RHEB: variants seen among roughly 807,000 people sequenced by gnomAD.
RHEB encodes the protein Ras homolog, mTORC1 binding.
RHEB carries 2 observed loss-of-function variants against 28.8 expected under a neutral mutation model. The ratio of observed to expected loss-of-function variants is 0.07; its 90% CI spans 0.03 to 0.22. RHEB has a LOEUF of 0.22. RHEB is among the 10% of genes least tolerant of loss of function. The pLI, the probability that RHEB is intolerant of heterozygous loss-of-function variation, is 1.00. For synonymous variants in RHEB, 69 were observed against 77.3 expected, an observed-to-expected ratio of 0.89 and a Z score of 0.56; for missense variants, 76 against 219.9, an observed-to-expected ratio of 0.35 and a Z score of 4.14.
chr7:151,482,723 C>T (rs138032548), intron 3 of RHEB, among the ~76,000 whole-genome samples: 7 of 152,202 alleles, frequency 4.6e-5, no homozygotes, highest in African/African-American at 1.7e-4. Context: ...CACTGTTGTC[C>T]CAACATAATT....
rs751839991 is a variant in RHEB, at chr7:151,468,370, C to G, written c.463-1159G>C. Reference sequence around the variant, plus strand: ...CCACCATGGCGCCACTGTACTTCAACTCCCTTCCCTACCAACTGTCGCTGG... The same window carrying G: ...CCACCATGGCGCCACTGTACTTCAAGTCCCTTCCCTACCAACTGTCGCTGG... On this transcript the variant is annotated intron_variant, in intron 7 of 7. Coordinates refer to ENST00000262187, the MANE Select transcript of RHEB (RefSeq NM_005614.4). This position sits in a 1 kb window ranked among gnomAD's most constrained non-coding sequence, Gnocchi z 4.3. 2.1e-4 allele frequency among the ~76,000 whole-genome samples: 32 copies of G among 152,250 alleles called. No homozygotes were observed. The highest frequency in any genetic ancestry group is 7.2e-4 in the African/African-American group (30 of 41,470).
intron 1 of RHEB, among the ~76,000 whole-genome samples, chr7:151,515,629 T>C (rs962904027): frequency 6.6e-5 from 10 of 152,212 alleles, no homozygotes; most frequent in Admixed American, 3.3e-4. Context: ...GTAGATGTCA[T>C]ACATAGCAAA....
At chr7:151,497,413 T>C (rs1802692915) in intron 1 of RHEB, among the ~76,000 whole-genome samples, 1 of 152,216 alleles carries the variant, frequency 6.6e-6, no homozygotes, top group African/African-American at 2.4e-5. Context: ...CACAGTTCAA[T>C]GTTTAGGAAC....
chr7:151,493,205 G>C (rs752385943), intron 1 of RHEB, among the ~76,000 whole-genome samples: 1 of 151,922 alleles, frequency 6.6e-6, no homozygotes, highest in Non-Finnish European at 1.5e-5. Flanking sequence ...TTACCACTCT[G>C]ACCTCATCCG....
intron 1 of RHEB, among the ~76,000 whole-genome samples, chr7:151,505,343 T>C (rs555534449): frequency 8.2e-4 from 125 of 152,330 alleles, no homozygotes; most frequent in African/African-American, 3.0e-3. Flanking sequence ...TCTGATAATC[T>C]AGGCAAAAGA....
At chr7:151,518,660 G>C (rs886469887) in intron 1 of RHEB, among the ~76,000 whole-genome samples, 1 of 152,144 alleles carries the variant, frequency 6.6e-6, no homozygotes, top group African/African-American at 2.4e-5. Context: ...TAAGGCGACT[G>C]CTAGGAACTG....
At chr7:151,476,228 A>G (rs772588418) in intron 4 of RHEB, among the ~76,000 whole-genome samples, 1 of 152,228 alleles carries the variant, frequency 6.6e-6, no homozygotes, top group Non-Finnish European at 1.5e-5. Context: ...ACAGAGCAGC[A>G]GACTGAATTT....
chr7:151,479,490 G>A (rs182240420), intron 3 of RHEB, among the ~76,000 whole-genome samples: 5 of 152,184 alleles, frequency 3.3e-5, no homozygotes, highest in Admixed American at 1.3e-4. Flanking sequence ...ATATCATCCT[G>A]GCTAACACAG....
intron 1 of RHEB, among the ~76,000 whole-genome samples, chr7:151,508,337 C>G (rs996971399): frequency 5.9e-5 from 9 of 152,130 alleles, no homozygotes; most frequent in African/African-American, 2.2e-4. Flanking sequence ...TTCAAAAGTT[C>G]TTAAAATCTG....
rs1014806289 is a variant in RHEB, at chr7:151,472,332, G to T, written c.276-727C>A. 6.6e-6 allele frequency among the ~76,000 whole-genome samples: 1 copy of T among 152,154 alleles called. No individual in the cohort carries two copies. Among genetic ancestry groups the T allele is most frequent in the Non-Finnish European group, 1.5e-5 (1 of 68,030 alleles). On this transcript the variant is annotated intron_variant, in intron 4 of 7. Transcript: ENST00000262187. This position sits in a 1 kb window ranked among gnomAD's most constrained non-coding sequence, Gnocchi z 5.2. ...CAAGTCTGCCTGCATCAGTTCCACAGCCCCAACCCTTCCCCGCCACCCCTG... is the reference window on the plus strand; with the variant it reads ...CAAGTCTGCCTGCATCAGTTCCACATCCCCAACCCTTCCCCGCCACCCCTG...
chr7:151,488,364 T>C (rs1802521362), intron 2 of RHEB, among the ~76,000 whole-genome samples: 1 of 152,198 alleles, frequency 6.6e-6, no homozygotes, highest in Non-Finnish European at 1.5e-5. Flanking sequence ...CCACTGAGTG[T>C]TTGCTATAAC....
chr7:151,482,962 C>T (rs1340893714), intron 3 of RHEB, among the ~76,000 whole-genome samples: 1 of 152,198 alleles, frequency 6.6e-6, no homozygotes, highest in Non-Finnish European at 1.5e-5. Context: ...GCCCCAACTC[C>T]TATTCTTCTG....
At chr7:151,470,465 T>G in intron 7 of RHEB, 106 bp downstream of exon 7, 2 of 663,000 alleles carry the variant, frequency 3.0e-6, no homozygotes, top group Non-Finnish European at 5.3e-6. Flanking sequence ...GAAGGCCAGA[T>G]GTTACACAGG....
chr7:151,475,974 C>T (rs1802264652), intron 4 of RHEB, among the ~76,000 whole-genome samples: 1 of 152,092 alleles, frequency 6.6e-6, no homozygotes, highest in South Asian at 2.1e-4. Flanking sequence ...AGTATCTATG[C>T]TTAGGTAATT....
At chr7:151,498,482 C>T (rs1376757497) in intron 1 of RHEB, among the ~76,000 whole-genome samples, 2 of 152,050 alleles carry the variant, frequency 1.3e-5, no homozygotes, top group Non-Finnish European at 2.9e-5. Flanking sequence ...AAAAAATTAG[C>T]AGGGTGTGGT....
chr7:151,516,383 G>C (rs1416643427), intron 1 of RHEB, among the ~76,000 whole-genome samples: 1 of 152,106 alleles, frequency 6.6e-6, no homozygotes, highest in African/African-American at 2.4e-5. Flanking sequence ...CCAGCACTTA[G>C]GGAGGCCGAG....
At chr7:151,467,275 G>A (rs188394856) in intron 7 of RHEB, 64 bp from the exon 8 acceptor site, 110 of 1,213,308 alleles carry the variant, frequency 9.1e-5, no homozygotes, top group Admixed American at 1.8e-4. Context: ...AGTATTTTAC[G>A]GACTGAGGAG....
At chr7:151,503,633 CTT>C (rs1286757230) in intron 1 of RHEB, among the ~76,000 whole-genome samples, 3 of 152,166 alleles carry the variant, frequency 2.0e-5, no homozygotes, top group Non-Finnish European at 2.9e-5. Flanking sequence ...CAACCCCACA[CTT>C]TGTTTTGTCA....
chr7:151,500,783 A>G (rs1320700659), intron 1 of RHEB, among the ~76,000 whole-genome samples: 1 of 152,324 alleles, frequency 6.6e-6, no homozygotes, highest in East Asian at 1.9e-4. Context: ...CCAGGATTTA[A>G]GACCTGCCTG....
Sources: gnomAD v4.1 joint callset for allele counts (sites outside exome capture counted in the v4.1 genomes callset) on GRCh38, gnomAD v4.1.1 for gene constraint, Gnocchi (gnomAD v3.1) non-coding constraint, MANE v1.5 for transcripts, NCBI Gene and HGNC (gene_info 2026-07-23, HGNC 2026-07-21) for gene names.